PRDM14: variants seen among roughly 807,000 people sequenced by gnomAD.
The protein encoded by PRDM14 is PR/SET domain 14.
A neutral mutation model predicts 48.0 loss-of-function variants in PRDM14; 16 were observed. The observed-to-expected ratio is 0.33, with a 90% CI of 0.23 to 0.51. PRDM14 has a LOEUF of 0.51. Among genes scored for constraint, PRDM14 ranks in the 20% least tolerant of loss-of-function variants. The pLI is 0.97. For synonymous variants in PRDM14, 264 were observed against 276.6 expected, an observed-to-expected ratio of 0.95 and a Z score of 0.45; for missense variants, 566 against 719.6, an observed-to-expected ratio of 0.79 and a Z score of 2.44.
intron 3 of PRDM14, 31 bp from the exon 4 acceptor site, chr8:70,068,418 TGAG>T (rs1805706469): frequency 2.5e-6 from 4 of 1,613,954 alleles, no homozygotes; most frequent in Non-Finnish European, 8.5e-7. Flanking sequence ...GAAAAGAGAA[TGAG>T]GAGAGTTGAC....
intron 7 of PRDM14, among the ~76,000 whole-genome samples, chr8:70,054,515 ATT>A (rs561179179): frequency 0.53 from 60,743 of 114,290 alleles, 13,772 homozygotes; most frequent in East Asian, 0.65. Context: ...TGAAATAGTG[ATT>A]TTTTTTTTTT....
Position 70,058,845 on chromosome 8 carries a change from G to C in PRDM14, c.1184-3C>G. The C allele has an allele frequency of 6.2e-7, 1 of 1,611,350 alleles. No individual in the cohort carries two copies. Among genetic ancestry groups the C allele is most frequent in the Non-Finnish European group, 8.5e-7 (1 of 1,177,576 alleles). On this transcript the variant is annotated splice_polypyrimidine_tract_variant and splice_region_variant and intron_variant, in intron 5 of 7. Coordinates refer to ENST00000276594, the MANE Select transcript of PRDM14 (RefSeq NM_024504.4). ...ACATCTGTAGCCTTCTGCAGACTCT[G>C]TCAAACACAGCAAACACAATGTCTC...
Position 70,064,026 on chromosome 8 carries a change from G to T in PRDM14, c.1183+2209C>A, listed in dbSNP as rs561252721. Among the ~76,000 whole-genome samples, 29 of 152,100 alleles carry T rather than the reference G, an allele frequency of 1.9e-4. 1 individual carries two copies. The South Asian group carries it at 6.0e-3, about 32-fold the overall frequency. The stretch of plus-strand genomic sequence containing the variant: ...CTGGTCCCAGGCATTTCAGAAAAAG[G>T]ATACTCAACCTGTATGCAGATATCA... On this transcript the variant is annotated intron_variant, in intron 5 of 7. Transcript: ENST00000276594.
In PRDM14 at chr8:70,069,252, G is replaced by A. The variant is rs1186137935; in HGVS notation, c.609C>T (p.His203=). 4.4e-6 allele frequency: 7 copies of A among 1,607,144 alleles called. No homozygotes were observed. The highest frequency in any genetic ancestry group is 4.0e-5 in the African/African-American group (3 of 74,990). ...TGGGAGTGACCCCGTACAGAACGAA[G>A]TGCAGGTCCTCCTCCGTGAACTGGA... ...ARFQFTEEDL[H]FVLYGVTPSL... The change falls in exon 2 of 8, where the codon CAC becomes CAT. Residue 203 remains histidine (H), a synonymous_variant. Coordinates refer to ENST00000276594, the MANE Select transcript of PRDM14 (RefSeq NM_024504.4).
At chr8:70,056,779 A>G (rs1336283193) in intron 6 of PRDM14, among the ~76,000 whole-genome samples, 1 of 135,914 alleles carries the variant, frequency 7.4e-6, no homozygotes, top group East Asian at 2.5e-4. Flanking sequence ...AGATCATGCC[A>G]TTGTACTCTA....
rs536516949 is a variant in PRDM14, at chr8:70,058,564, G to C, written c.1386+76C>G. On this transcript the variant is annotated intron_variant, in intron 6 of 7. Transcript: ENST00000276594. ...ACAGCCCTGCAGCTAGCACCTACAA[G>C]GCAACTCCCCGTGTTCAGGAGCTTG... 4.8e-5 allele frequency: 64 copies of C among 1,321,184 alleles called. No homozygotes were observed. In the South Asian group the frequency reaches 7.4e-4, roughly 15 times the overall value. The allele number at this position is 1,321,184 out of a possible 1,614,324, so 81.8% of individuals were successfully genotyped here. A position where few individuals can be genotyped will look rare whatever the true frequency, so the allele number is the denominator to read the frequency against.
At chr8:70,060,838 G>A (rs767606297) in intron 5 of PRDM14, among the ~76,000 whole-genome samples, 17 of 152,178 alleles carry the variant, frequency 1.1e-4, no homozygotes, top group Non-Finnish European at 1.5e-4. Flanking sequence ...CAGGACACCC[G>A]CAGCTCACAG....
chr8:70,065,657 C>T (rs563963156), intron 5 of PRDM14, among the ~76,000 whole-genome samples: 1 of 152,238 alleles, frequency 6.6e-6, no homozygotes, highest in South Asian at 2.1e-4. Context: ...CCATAGTAGG[C>T]AATGTATTTT....
intron 4 of PRDM14, among the ~76,000 whole-genome samples, chr8:70,067,037 C>T (rs1377619990): frequency 1.3e-5 from 2 of 152,174 alleles, no homozygotes; most frequent in Non-Finnish European, 2.9e-5. Flanking sequence ...CCTAATGTGA[C>T]ATATTCTAAA....
chr8:70,055,509 C>CTT (rs201316659), intron 6 of PRDM14, 108 bp from the exon 7 acceptor site: 361 of 455,888 alleles, frequency 7.9e-4, no homozygotes, highest in African/African-American at 1.4e-3. Flanking sequence ...CAATTTTTTT[C>CTT]TTTTTTTTTT....
rs572250410 is a variant in PRDM14 at position 70,061,420 on chromosome 8, G to T, written c.1184-2578C>A. On this transcript the variant is annotated intron_variant, in intron 5 of 7. Coordinates refer to ENST00000276594, the MANE Select transcript of PRDM14 (RefSeq NM_024504.4). ...TTGTTAGTTGACAACTACATCCCAG[G>T]CACGTTTAACAGGTGGCTAAGGAAA... 1.5e-4 allele frequency among the ~76,000 whole-genome samples: 23 copies of T among 152,270 alleles called. No homozygotes were observed. The South Asian group carries it at 4.6e-3, about 30-fold the overall frequency.
In PRDM14 at chr8:70,058,529, G is replaced by A. The variant is rs189657272; in HGVS notation, c.1386+111C>T. The A allele has an allele frequency of 3.4e-4, 302 of 879,824 alleles. 1 individual carries two copies. The highest frequency in any genetic ancestry group is 2.8e-3 in the African/African-American group (169 of 60,872). 54.5% of individuals were successfully genotyped at this position (879,824 alleles called of 1,614,324 possible). A position where few individuals can be genotyped will look rare whatever the true frequency, so the allele number is the denominator to read the frequency against. On this transcript the variant is annotated intron_variant, in intron 6 of 7. Transcript: ENST00000276594. ...CTCTCCTCCTTCAGAGAGGGTGTCCGTCAGGCATCACAGCCCTGCAGCTAG... is the reference window on the plus strand; with the variant it reads ...CTCTCCTCCTTCAGAGAGGGTGTCCATCAGGCATCACAGCCCTGCAGCTAG...
At chr8:70,066,999 G>A (rs987268122) in intron 4 of PRDM14, among the ~76,000 whole-genome samples, 1 of 152,128 alleles carries the variant, frequency 6.6e-6, no homozygotes, top group Non-Finnish European at 1.5e-5. Flanking sequence ...TAAAGTGCTA[G>A]AATTACAGGT....
At position 70,069,562 on chromosome 8, in the gene PRDM14, G is replaced by T; in HGVS notation, c.299C>A (p.Pro100Gln). Reference sequence around the variant, plus strand: ...GGGGACGTGGGGAATTGGGTACCACGGTGGCAGCTTGCTGTACCAGGGCAG... The same window carrying T: ...GGGGACGTGGGGAATTGGGTACCACTGTGGCAGCTTGCTGTACCAGGGCAG... ...YDLPWYSKLP[P>Q]WYPIPHVPRE... is the part of the protein sequence containing the mutation. The change falls in exon 2 of 8, where the codon CCG (proline) becomes CAG (glutamine). Residue 100 changes from proline (P) to glutamine (Q), a missense_variant. Around this residue, in one of 3 missense-constraint regions of PRDM14, gnomAD observed 410 missense variants for 424.6 expected, o/e 0.97. Coordinates refer to ENST00000276594, the MANE Select transcript of PRDM14 (RefSeq NM_024504.4). 2 of 1,607,930 alleles carry T rather than the reference G, an allele frequency of 1.2e-6. No homozygotes were observed. The highest frequency in any genetic ancestry group is 2.2e-5 in the East Asian group (1 of 44,674).
intron 5 of PRDM14, among the ~76,000 whole-genome samples, chr8:70,059,791 A>G (rs749662968): frequency 3.3e-5 from 5 of 152,162 alleles, no homozygotes; most frequent in Admixed American, 6.6e-5. Context: ...AAGATGACAT[A>G]TTTTTAAAAA....
intron 7 of PRDM14, among the ~76,000 whole-genome samples, chr8:70,054,370 T>C (rs1212016621): frequency 7.9e-5 from 12 of 152,158 alleles, no homozygotes; most frequent in Admixed American, 6.6e-4. Flanking sequence ...ATCCAACAAC[T>C]TGGTAAAGAC....
chr8:70,068,341 A>T lies in PRDM14; in HGVS notation c.801T>A (p.Gly267=), dbSNP rs139533851. The T allele has an allele frequency of 3.9e-4, 626 of 1,614,210 alleles. No individual in the cohort carries two copies. Among genetic ancestry groups the T allele is most frequent in the Non-Finnish European group, 4.9e-4 (575 of 1,180,040 alleles). The change falls in exon 4 of 8, where the codon GGT becomes GGA. Residue 267 remains glycine, a synonymous_variant. Coordinates refer to ENST00000276594, the MANE Select transcript of PRDM14 (RefSeq NM_024504.4). The part of the protein sequence containing the change: ...QTVFGEVPHF[G]VFCSSFIAKG... ...TGGCGATAAAACTACTGCAGAACAC[A>T]CCAAAATGTGGGACTTCACCAAACA...
intron 7 of PRDM14, among the ~76,000 whole-genome samples, chr8:70,054,886 A>G (rs1382933066): frequency 6.6e-6 from 1 of 150,968 alleles, no homozygotes. Context: ...CAGTGGTGCA[A>G]TCTTGGCTCA....
intron 5 of PRDM14, among the ~76,000 whole-genome samples, chr8:70,059,857 G>C (rs1046317014): frequency 1.3e-5 from 2 of 152,088 alleles, no homozygotes; most frequent in African/African-American, 2.4e-5. Context: ...ACTTTGGGAA[G>C]CTGAGGCAGG....
Sources: allele counts gnomAD v4.1 joint callset (sites outside exome capture counted in the v4.1 genomes callset), GRCh38; gene constraint gnomAD v4.1.1; regional missense constraint gnomAD v4.1.1; transcripts MANE v1.5; gene names NCBI Gene and HGNC (gene_info 2026-07-23, HGNC 2026-07-21).